TENM4: variants seen among roughly 807,000 people sequenced by gnomAD.
TENM4 encodes teneurin transmembrane protein 4.
TENM4 carries 82 observed loss-of-function variants against 243.3 expected under a neutral mutation model. The ratio of observed to expected loss-of-function variants is 0.34; its 90% CI spans 0.28 to 0.40. TENM4 has a LOEUF of 0.40. Among genes scored for constraint, TENM4 ranks in the 10% least tolerant of loss-of-function variants. The pLI is 1.00. For missense variants in TENM4, 3,138 were observed against 3,673.3 expected, an observed-to-expected ratio of 0.85 and a Z score of 3.77; for synonymous variants, 1,412 against 1,456.3, an observed-to-expected ratio of 0.97 and a Z score of 0.69.
rs141712856 is a variant in TENM4 at position 79,025,692 on chromosome 11, T to C, written c.493+39046A>G. ...GCCAAAAGGATCTGGCTCCCCAGTG[T>C]GGGCATTTGCTCTTTACGGCTAATC... is the stretch of plus-strand genomic sequence containing the variant. On this transcript the variant is annotated intron_variant, in intron 6 of 33. Transcript: ENST00000278550. Among the ~76,000 whole-genome samples the C allele has an allele frequency of 1.6e-3, 242 of 152,340 alleles. 1 individual carries two copies. Among genetic ancestry groups the C allele is most frequent in the African/African-American group, 4.5e-3 (187 of 41,580 alleles).
intron 3 of TENM4, among the ~76,000 whole-genome samples, chr11:79,210,450 T>A (rs1373547682): frequency 6.6e-6 from 1 of 152,172 alleles, no homozygotes; most frequent in Non-Finnish European, 1.5e-5. Context: ...GAAAAATATG[T>A]CTGGAAAGAT....
chr11:78,926,484 G>C (rs1345182541), intron 6 of TENM4, among the ~76,000 whole-genome samples: 1 of 151,962 alleles, frequency 6.6e-6, no homozygotes, highest in East Asian at 1.9e-4. Context: ...ATATTGGTCA[G>C]GCTGGTTTCA....
intron 25 of TENM4, among the ~76,000 whole-genome samples, chr11:78,715,138 A>G (rs1391399054): frequency 2.6e-5 from 4 of 152,204 alleles, no homozygotes; most frequent in Admixed American, 1.3e-4. Flanking sequence ...GGTTAGCAGT[A>G]AACAGGACAG....
At chr11:79,082,279 C>T (rs1286066511) in intron 4 of TENM4, among the ~76,000 whole-genome samples, 3 of 152,106 alleles carry the variant, frequency 2.0e-5, no homozygotes, top group East Asian at 1.9e-4. Flanking sequence ...GGCTCTTTTT[C>T]GGTAGCACAA....
At chr11:79,199,244 C>T (rs1178175708) in intron 3 of TENM4, among the ~76,000 whole-genome samples, 1 of 152,164 alleles carries the variant, frequency 6.6e-6, no homozygotes, top group African/African-American at 2.4e-5. Context: ...GATAATACTA[C>T]CTACTTCAAA....
At chr11:79,018,295 A>G (rs1858830912) in intron 6 of TENM4, among the ~76,000 whole-genome samples, 1 of 152,146 alleles carries the variant, frequency 6.6e-6, no homozygotes, top group Non-Finnish European at 1.5e-5. Context: ...TTTGAACAAC[A>G]TATTATCTGG....
intron 6 of TENM4, among the ~76,000 whole-genome samples, chr11:79,027,662 A>C (rs144030076): frequency 1.3e-5 from 2 of 152,268 alleles, no homozygotes; most frequent in African/African-American, 2.4e-5. Flanking sequence ...TCGAATCCAT[A>C]TCTCTCATTT....
At chr11:79,405,542 C>G (rs896068186) in intron 1 of TENM4, among the ~76,000 whole-genome samples, 45 of 151,434 alleles carry the variant, frequency 3.0e-4, no homozygotes, top group Admixed American at 2.5e-3. Flanking sequence ...AAATAACAAC[C>G]AGTAACACTC....
At chr11:79,393,474 G>C (rs1858278193) in intron 1 of TENM4, among the ~76,000 whole-genome samples, 1 of 152,222 alleles carries the variant, frequency 6.6e-6, no homozygotes, top group African/African-American at 2.4e-5. Context: ...GTGGCTGTCA[G>C]AGTGGCTTCT....
intron 1 of TENM4, among the ~76,000 whole-genome samples, chr11:79,363,707 G>A (rs1382943573): frequency 6.6e-6 from 1 of 152,162 alleles, no homozygotes; most frequent in Non-Finnish European, 1.5e-5. Flanking sequence ...GGGGACCAAA[G>A]TTATGAATAA....
Position 78,738,493 on chromosome 11 carries a change from T to C in TENM4, c.2834A>G (p.Asn945Ser). 1.2e-6 allele frequency: 2 copies of C among 1,613,958 alleles called. No homozygotes were observed. The change falls in exon 20 of 34, where the codon AAT becomes AGT. Residue 945 changes from asparagine to serine, a missense_variant. By Grantham distance (46) the Asn-to-Ser change is conservative. This residue lies in a region of TENM4 where 2,467 missense variants were observed against 3,059.1 expected (regional missense o/e 0.81). Coordinates refer to ENST00000278550, the MANE Select transcript of TENM4 (RefSeq NM_001098816.3). ...PLVGVNISFV[N>S]NPLFGYTISR... ...GATTGTATATCCAAAGAGAGGGTTATTGACAAAACTGATGTTCACACCAAC... is the reference window on the plus strand; with the variant it reads ...GATTGTATATCCAAAGAGAGGGTTACTGACAAAACTGATGTTCACACCAAC...
rs113144036 is a variant in TENM4, at chr11:78,864,390, C to T, written c.1085-1258G>A. Among the ~76,000 whole-genome samples the T allele has an allele frequency of 0.02, 2,734 of 139,740 alleles. 165 individuals carry two copies. In the East Asian group the frequency reaches 0.22, roughly 11 times the overall value. 91.7% of individuals were successfully genotyped at this position (139,740 alleles called of 152,430 possible). A position where few individuals can be genotyped will look rare whatever the true frequency, so the allele number is the denominator to read the frequency against. ...CGGAGCTTGCAGTGAGCCGAGATCC[C>T]GCCACTGCACTCCAGCCTGGGCGAC... is the stretch of plus-strand genomic sequence containing the variant. On this transcript the variant is annotated intron_variant, in intron 9 of 33. Coordinates refer to ENST00000278550, the MANE Select transcript of TENM4 (RefSeq NM_001098816.3).
chr11:78,985,947 A>G (rs909237095), intron 6 of TENM4, among the ~76,000 whole-genome samples: 2 of 152,196 alleles, frequency 1.3e-5, no homozygotes, highest in African/African-American at 2.4e-5. Context: ...TGCATTCAGG[A>G]GGCCCTATGC....
At chr11:79,261,598 C>G (rs1274648794) in intron 2 of TENM4, among the ~76,000 whole-genome samples, 2 of 152,164 alleles carry the variant, frequency 1.3e-5, no homozygotes, top group Non-Finnish European at 2.9e-5. Flanking sequence ...GCTCTTCCCA[C>G]CTTCCTTGGG....
intron 1 of TENM4, among the ~76,000 whole-genome samples, chr11:79,309,947 G>A (rs777821473): frequency 1.4e-4 from 22 of 152,170 alleles, no homozygotes; most frequent in Admixed American, 3.9e-4. Context: ...ATCTGGGTCT[G>A]CCTGTGGGAG....
intron 1 of TENM4, among the ~76,000 whole-genome samples, chr11:79,327,649 CTTTTTTTTTT>C (rs11408549): frequency 2.5e-5 from 3 of 119,796 alleles, no homozygotes; most frequent in South Asian, 6.1e-4. Flanking sequence ...AATTGGAAAG[CTTTTTTTTTT>C]TTTTTTTTTT....
chr11:79,326,564 A>G (rs1856979071), intron 1 of TENM4, among the ~76,000 whole-genome samples: 1 of 152,140 alleles, frequency 6.6e-6, no homozygotes, highest in Admixed American at 6.5e-5. Flanking sequence ...ACTTTCTTGT[A>G]TCCTTCCAAT....
intron 6 of TENM4, among the ~76,000 whole-genome samples, chr11:79,010,385 C>A (rs1236835455): frequency 1.3e-5 from 2 of 151,868 alleles, no homozygotes; most frequent in Admixed American, 6.5e-5. Flanking sequence ...TCAGAGGAGA[C>A]TTGGGGAGGC....
rs201769315 is a variant in TENM4 at position 78,668,992 on chromosome 11, C to T, written c.7353G>A (p.Met2451Ile). 1,180 of 1,613,952 alleles carry T rather than the reference C, an allele frequency of 7.3e-4. 2 individuals carry two copies. Among genetic ancestry groups the T allele is most frequent in the Non-Finnish European group, 5.8e-4 (680 of 1,179,894 alleles). The change falls in exon 32 of 34, where the codon ATG (methionine) becomes ATA (isoleucine). Residue 2451 changes from methionine to isoleucine, a missense_variant. Met to Ile is a conservative substitution (Grantham distance 10). Coordinates refer to ENST00000278550, the MANE Select transcript of TENM4 (RefSeq NM_001098816.3). ...TGCTGATGGGGTTGTTGTTTTTGAA[C>T]ATATAGAGATTAAAAGGCATGACGT... Reference protein sequence around the residue: ...SSNVMPFNLYMFKNNNPISNS... With the variant: ...SSNVMPFNLYIFKNNNPISNS...
Sources: gnomAD v4.1 joint callset for allele counts (sites outside exome capture counted in the v4.1 genomes callset) on GRCh38, gnomAD v4.1.1 for gene constraint, gnomAD v4.1.1 regional missense constraint, MANE v1.5 for transcripts, NCBI Gene and HGNC (gene_info 2026-07-23, HGNC 2026-07-21) for gene names.